The following USP15 variants were observed in gnomAD, a reference collection of about 807,000 sequenced individuals.
USP15 encodes the protein ubiquitin carboxyl-terminal hydrolase 15.
In USP15, 18 loss-of-function variants were observed where a neutral mutation model predicts 127.1. The observed-to-expected ratio is 0.14, with a 90% confidence interval of 0.10 to 0.21. The LOEUF (loss-of-function observed/expected upper bound fraction) is 0.21, where lower values mean the gene tolerates loss of function less well. Among genes scored for constraint, USP15 ranks in the 10% least tolerant of loss-of-function variants. USP15 has a pLI of 1.00. For synonymous variants in USP15, 364 were observed against 393.7 expected (o/e 0.92, Z 0.89); for missense variants, 805 against 1,159.9 (o/e 0.69, Z 4.44).
rs555866052 is a variant in USP15 at position 62,405,935 on chromosome 12, G to GT, written c.*1563dup. 1 of 148,358 alleles carries GT rather than the reference G, an allele frequency of 6.7e-6. No homozygotes were observed. Among genetic ancestry groups the GT allele is most frequent in the Non-Finnish European group, 1.5e-5 (1 of 67,298 alleles). 9.2% of individuals were successfully genotyped at this position (148,358 alleles called of 1,614,324 possible). A position where few individuals can be genotyped will look rare whatever the true frequency, so the allele number is the denominator to read the frequency against. On this transcript the variant is annotated 3_prime_UTR_variant, in exon 22 of 22. Transcript: ENST00000280377. ...GCTTTATATCTTGATATTAAAGCTG[G>GT]TTTATCATCCTGGTATTTTAAAAGC... is the stretch of plus-strand genomic sequence containing the variant.
At chr12:62,298,789 A>G (rs1460507347) in intron 2 of USP15, among the ~76,000 whole-genome samples, 1 of 143,992 alleles carries the variant, frequency 6.9e-6, no homozygotes, top group African/African-American at 2.6e-5. Flanking sequence ...AGATTGTACC[A>G]CTGCACTCCA....
At chr12:62,320,446 A>G (rs986308947) in intron 4 of USP15, among the ~76,000 whole-genome samples, 2 of 152,162 alleles carry the variant, frequency 1.3e-5, no homozygotes, top group South Asian at 2.1e-4. Flanking sequence ...TCTTTTCTTC[A>G]TAAGTTACCC....
At chr12:62,296,223 C>T (rs2064122656) in intron 2 of USP15, among the ~76,000 whole-genome samples, 2 of 152,184 alleles carry the variant, frequency 1.3e-5, no homozygotes, top group South Asian at 4.1e-4. Flanking sequence ...GATTCTCCCT[C>T]AGACCTTCAG....
At chr12:62,325,751 A>G (rs901923430) in intron 5 of USP15, 121 bp from the exon 6 acceptor site, 6 of 755,872 alleles carry the variant, frequency 7.9e-6, no homozygotes, top group African/African-American at 1.8e-5. Context: ...CACCTTGTCT[A>G]CTGTTTTCCT....
chr12:62,304,482 A>G (rs1022324034), intron 3 of USP15, among the ~76,000 whole-genome samples: 1 of 152,216 alleles, frequency 6.6e-6, no homozygotes, highest in African/African-American at 2.4e-5. Flanking sequence ...ACTGTGGCCC[A>G]CATGACTGAT....
At position 62,314,801 on chromosome 12, in the gene USP15, G is replaced by T; in HGVS notation, c.360G>T (p.Gln120His). The T allele has an allele frequency of 1.3e-6, 2 of 1,582,008 alleles. No homozygotes were observed. Among genetic ancestry groups the T allele is most frequent in the Non-Finnish European group, 1.7e-6 (2 of 1,164,052 alleles). ...QEPIARKVVEQGMFVKHCKVE... is the reference protein window; with the variant it reads ...QEPIARKVVEHGMFVKHCKVE... ...TTTCATTATTTTAGGTGGTTGAACA[G>T]GGTATGTTTGTAAAGCACTGCAAAG... Residue 120 changes from glutamine (Q) to histidine (H), a missense_variant, in exon 4 of 22, where the codon CAG becomes CAT. This residue lies in a region of USP15 where 69 missense variants were observed against 126.4 expected (regional missense o/e 0.55). Transcript: ENST00000280377.
intron 6 of USP15, among the ~76,000 whole-genome samples, chr12:62,345,113 C>T (rs2065773784): frequency 1.3e-5 from 2 of 152,184 alleles, no homozygotes; most frequent in South Asian, 4.1e-4. Flanking sequence ...ATTTTCATTT[C>T]TATTGCATTG....
intron 8 of USP15, among the ~76,000 whole-genome samples, chr12:62,376,611 T>C (rs1032204564): frequency 6.6e-6 from 1 of 152,186 alleles, no homozygotes; most frequent in Non-Finnish European, 1.5e-5. Context: ...ACAAAACTTA[T>C]AAGTAGCCAC....
At chr12:62,389,580 T>G (rs756563971) in intron 12 of USP15, 25 bp from the exon 13 acceptor site, 4 of 1,610,154 alleles carry the variant, frequency 2.5e-6, no homozygotes, top group Non-Finnish European at 3.4e-6. Flanking sequence ...TAAAACCAGC[T>G]TAATAGAAAT....
At chr12:62,380,948 C>T (rs968113394) in intron 8 of USP15, among the ~76,000 whole-genome samples, 1 of 152,102 alleles carries the variant, frequency 6.6e-6, no homozygotes. Context: ...AGTTCACATA[C>T]TAAAGTTTGT....
intron 1 of USP15, among the ~76,000 whole-genome samples, chr12:62,292,418 T>C (rs1592514284): frequency 6.6e-6 from 1 of 151,866 alleles, no homozygotes; most frequent in Non-Finnish European, 1.5e-5. Context: ...AGGCAGAGAG[T>C]GGGACAGGAC....
chr12:62,335,770 AT>A (rs2065443394), intron 6 of USP15: 1 of 985,366 alleles, frequency 1.0e-6, no homozygotes, highest in Non-Finnish European at 1.2e-6. Context: ...CTTGCCACCC[AT>A]TCAGGATTTA....
intron 7 of USP15, among the ~76,000 whole-genome samples, chr12:62,354,137 G>A (rs920752204): frequency 6.0e-5 from 9 of 150,530 alleles, no homozygotes; most frequent in South Asian, 2.1e-4. Context: ...GTGTGTGTGC[G>A]TGTGTGTGTG....
intron 6 of USP15, among the ~76,000 whole-genome samples, chr12:62,344,243 A>G (rs1413809066): frequency 6.6e-6 from 1 of 152,216 alleles, no homozygotes; most frequent in Non-Finnish European, 1.5e-5. Flanking sequence ...CAAGGAAGAT[A>G]CAGGCATTGG....
At chr12:62,303,011 C>A in intron 3 of USP15, 91 bp downstream of exon 3, 1 of 1,442,338 alleles carries the variant, frequency 6.9e-7, no homozygotes, top group Non-Finnish European at 9.4e-7. Flanking sequence ...AGTTTCATCA[C>A]TTATCTTAGA....
In USP15 at chr12:62,303,171, G is replaced by A. The variant is rs190232697; in HGVS notation, c.348+251G>A. 2.7e-5 allele frequency: 7 copies of A among 258,180 alleles called. No individual in the cohort carries two copies. In the Admixed American group the frequency reaches 3.4e-4, roughly 13 times the overall value. The allele number at this position is 258,180 out of a possible 1,614,324, so 16.0% of individuals were successfully genotyped here. A position where few individuals can be genotyped will look rare whatever the true frequency, so the allele number is the denominator to read the frequency against. On this transcript the variant is annotated intron_variant, in intron 3 of 21. Coordinates refer to ENST00000280377, the MANE Select transcript of USP15 (RefSeq NM_001252078.2). ...GAAAACTCTGTAAGGTAAGTAGTAG[G>A]AAATGAGGATAAAAAGTTAGGATCT...
intron 8 of USP15, among the ~76,000 whole-genome samples, chr12:62,368,830 A>G (rs892266218): frequency 6.6e-6 from 1 of 152,116 alleles, no homozygotes; most frequent in African/African-American, 2.4e-5. Flanking sequence ...GTTATGTGTG[A>G]ATTTGTTCCT....
intron 1 of USP15, among the ~76,000 whole-genome samples, chr12:62,290,421 A>G (rs759715398): frequency 6.6e-6 from 1 of 152,168 alleles, no homozygotes; most frequent in Non-Finnish European, 1.5e-5. Flanking sequence ...TGATCTAAGT[A>G]TAGCTACTCC....
intron 6 of USP15, among the ~76,000 whole-genome samples, chr12:62,340,313 AT>A (rs915343044): frequency 6.6e-6 from 1 of 151,244 alleles, no homozygotes; most frequent in African/African-American, 2.4e-5. Flanking sequence ...TATCTATTTT[AT>A]TTTTTTCCAA....
Sources: gnomAD v4.1 joint callset for allele counts (sites outside exome capture counted in the v4.1 genomes callset) on GRCh38, gnomAD v4.1.1 for gene constraint, gnomAD v4.1.1 regional missense constraint, MANE v1.5 for transcripts, NCBI Gene and HGNC (gene_info 2026-07-23, HGNC 2026-07-21) for gene names.